Variants in TEAD2 observed in about 807,000 individuals in gnomAD.
TEAD2 encodes TEA domain transcription factor 2, also known as transcriptional enhancer factor TEF-4.
In TEAD2, 51 loss-of-function variants were observed where a neutral mutation model predicts 61.4. That is an observed-to-expected ratio of 0.83 (90% CI 0.66 to 1.05). TEAD2 has a LOEUF of 1.05. Ranked by LOEUF, TEAD2 falls within the 50% of genes least tolerant of loss-of-function variation. The pLI is 0.00. For synonymous variants in TEAD2, 244 were observed against 243.2 expected (o/e 1.00, Z -0.03); for missense variants, 509 against 600.0 (o/e 0.85, Z 1.58).
intron 9 of TEAD2, among the ~76,000 whole-genome samples, chr19:49,347,849 G>A (rs937472827): frequency 6.6e-6 from 1 of 152,216 alleles, no homozygotes; most frequent in African/African-American, 2.4e-5. Flanking sequence ...GAGGTCTTGT[G>A]GTTGATGTTT....
intron 8 of TEAD2, among the ~76,000 whole-genome samples, chr19:49,349,323 C>T (rs954345184): frequency 6.6e-6 from 1 of 152,018 alleles, no homozygotes; most frequent in Non-Finnish European, 1.5e-5. Context: ...ATTAGCTGGG[C>T]ATGGTGGCAC....
chr19:49,356,314 C>G (rs151286931), intron 4 of TEAD2: 2 of 161,978 alleles, frequency 1.2e-5, no homozygotes, highest in South Asian at 4.3e-4. Context: ...CACAGAAGGT[C>G]GAGAACAGAC....
At chr19:49,348,548 A>C (rs1971796103) in intron 9 of TEAD2, among the ~76,000 whole-genome samples, 155 bp downstream of exon 9, 2 of 152,220 alleles carry the variant, frequency 1.3e-5, no homozygotes, top group Non-Finnish European at 2.9e-5. Context: ...GCCCCACATC[A>C]CATCTAGCAA....
chr19:49,343,502 G>A (rs1328584271), intron 10 of TEAD2, 104 bp from the exon 11 acceptor site: 1 of 1,326,400 alleles, frequency 7.5e-7, no homozygotes, highest in Non-Finnish European at 1.0e-6. Context: ...TACTTTGGGA[G>A]GCCGAGGCGG....
chr19:49,345,821 G>A lies in TEAD2; in HGVS notation c.921+1369C>T, dbSNP rs553770323. Among the ~76,000 whole-genome samples, 174 of 152,194 alleles carry A rather than the reference G, an allele frequency of 1.1e-3. 1 individual carries two copies. The highest frequency in any genetic ancestry group is 2.2e-3 in the Non-Finnish European group (149 of 68,012). The stretch of plus-strand genomic sequence containing the variant: ...AGGTGGGTGGATCACTTGAGGTCAG[G>A]AGTTCGAGACCAGACTGGCCAACAT... On this transcript the variant is annotated intron_variant, in intron 10 of 12. Transcript: ENST00000593945.
intron 3 of TEAD2, chr19:49,357,789 T>C (rs1341559549): frequency 2.6e-5 from 5 of 192,510 alleles, no homozygotes; most frequent in Non-Finnish European, 4.4e-5. Flanking sequence ...GACTTCTCAC[T>C]CAGTTCACAC....
At position 49,342,350 on chromosome 19, in the gene TEAD2, G is replaced by C. The variant is rs1255117708; in HGVS notation, c.1242+88C>G. ...GAGTCCCTGCTGTGTCAGTTCCTGG[G>C]TGAGGAGATCCCCTAGACTGAGGGT... On this transcript the variant is annotated intron_variant, in intron 12 of 12. Coordinates refer to ENST00000593945, the MANE Select transcript of TEAD2 (RefSeq NM_001256660.2). 1.2e-5 allele frequency: 19 copies of C among 1,520,084 alleles called. No homozygotes were observed. The Admixed American group carries it at 2.4e-4, about 19-fold the overall frequency. 94.2% of individuals were successfully genotyped at this position (1,520,084 alleles called of 1,614,324 possible). A position where few individuals can be genotyped will look rare whatever the true frequency, so the allele number is the denominator to read the frequency against.
At chr19:49,343,197 G>A in intron 11 of TEAD2, 34 bp downstream of exon 11, 1 of 1,583,356 alleles carries the variant, frequency 6.3e-7, no homozygotes, top group Non-Finnish European at 8.6e-7. Context: ...GCACCCCCAA[G>A]TGCTGACCCA....
rs1442060809 is a variant in TEAD2 at position 49,341,975 on chromosome 19, T to C, written c.1242+463A>G. On this transcript the variant is annotated intron_variant, in intron 12 of 12. Coordinates refer to ENST00000593945, the MANE Select transcript of TEAD2 (RefSeq NM_001256660.2). The surrounding 1 kb of genome is among the most constrained non-coding windows in gnomAD (Gnocchi z 4.2). Reference sequence around the variant, plus strand: ...TGGGAGGCCTAGGCAGGTGGATCACTTGAGGTCGGAGATCAAGACCAACCT... The same window carrying C: ...TGGGAGGCCTAGGCAGGTGGATCACCTGAGGTCGGAGATCAAGACCAACCT... 6.6e-6 allele frequency among the ~76,000 whole-genome samples: 1 copy of C among 151,966 alleles called. No individual in the cohort carries two copies. Among genetic ancestry groups the C allele is most frequent in the African/African-American group, 2.4e-5 (1 of 41,370 alleles).
rs951069421 is a variant in TEAD2 at position 49,341,072 on chromosome 19, T to A, written c.*252A>T. The A allele has an allele frequency of 2.2e-6, 1 of 453,656 alleles. No individual in the cohort carries two copies. Among genetic ancestry groups the A allele is most frequent in the African/African-American group, 2.0e-5 (1 of 50,578 alleles). The allele number at this position is 453,656 out of a possible 1,614,324, so 28.1% of individuals were successfully genotyped here. ...CACAATCCCTGATACTCCGGAGTGA[T>A]CTGTCCTTTCAGACACCCACTGTGA... On this transcript the variant is annotated 3_prime_UTR_variant, in exon 13 of 13. Coordinates refer to ENST00000593945, the MANE Select transcript of TEAD2 (RefSeq NM_001256660.2). This position sits in a 1 kb window ranked among gnomAD's most constrained non-coding sequence, Gnocchi z 4.2.
Position 49,357,269 on chromosome 19 carries a change from T to G in TEAD2, c.343A>C (p.Ile115Leu). 1 of 1,608,958 alleles carries G rather than the reference T, an allele frequency of 6.2e-7. No individual in the cohort carries two copies. Residue 115 changes from isoleucine to leucine, a missense_variant, in exon 4 of 13, where the codon ATC (isoleucine) becomes CTC (leucine). Coordinates refer to ENST00000593945, the MANE Select transcript of TEAD2 (RefSeq NM_001256660.2). ...QVLARRKSRE[I>L]QSKLKALNVD... ...GTCCCTACCTTCAACTTGGACTGGA[T>G]TTCCCTTGATTTCCTTCGGGCCAAA...
intron 3 of TEAD2, chr19:49,357,641 C>A: frequency 7.1e-6 from 3 of 420,476 alleles, no homozygotes; most frequent in Non-Finnish European, 1.3e-5. Context: ...CATGCTGATA[C>A]AGTTCGGACA....
rs926961573 is a variant in TEAD2 at position 49,347,025 on chromosome 19, G to A, written c.921+165C>T. Among the ~76,000 whole-genome samples, 7 of 152,164 alleles carry A rather than the reference G, an allele frequency of 4.6e-5. No homozygotes were observed. The East Asian group carries it at 5.8e-4, about 13-fold the overall frequency. ...ACCCACCCTGGGGGCTGGCCTCCTC[G>A]GTGTTCCTTGTTGCAAAGGGGGCTG... is the stretch of plus-strand genomic sequence containing the variant. On this transcript the variant is annotated intron_variant, in intron 10 of 12. Coordinates refer to ENST00000593945, the MANE Select transcript of TEAD2 (RefSeq NM_001256660.2).
chr19:49,356,425 A>G (rs1972404850), intron 4 of TEAD2, among the ~76,000 whole-genome samples: 1 of 150,684 alleles, frequency 6.6e-6, no homozygotes, highest in African/African-American at 2.4e-5. Flanking sequence ...CCCCAAGTCC[A>G]GAAAAAGAGA....
intron 7 of TEAD2, among the ~76,000 whole-genome samples, chr19:49,353,705 C>T (rs1972171332): frequency 6.6e-6 from 1 of 151,672 alleles, no homozygotes; most frequent in Admixed American, 6.6e-5. Flanking sequence ...TGATGCTTCC[C>T]GTATCCCCAT....
At chr19:49,358,213 AAC>A (rs1972532878) in intron 3 of TEAD2, among the ~76,000 whole-genome samples, 1 of 151,998 alleles carries the variant, frequency 6.6e-6, no homozygotes, top group Non-Finnish European at 1.5e-5. Context: ...CAGCCTGGGC[AAC>A]AGAGCGAGAC....
At chr19:49,356,603 G>C (rs1972416614) in intron 4 of TEAD2, among the ~76,000 whole-genome samples, 1 of 152,006 alleles carries the variant, frequency 6.6e-6, no homozygotes, top group Non-Finnish European at 1.5e-5. Context: ...TCAGGAAATG[G>C]GAAAACAAAC....
intron 9 of TEAD2, among the ~76,000 whole-genome samples, chr19:49,347,919 TAC>T (rs1971753871): frequency 1.3e-5 from 2 of 152,236 alleles, no homozygotes; most frequent in Non-Finnish European, 2.9e-5. Flanking sequence ...CTGGTTCCTT[TAC>T]ACAGTGTGAA....
At chr19:49,361,808 A>AG (rs11421569) in intron 1 of TEAD2, 39,410 of 152,614 alleles carry the variant, frequency 0.26, 5,292 homozygotes, top group African/African-American at 0.31. Context: ...CAAAGACCCC[A>AG]GCCAAGCCCA....
Sources: allele counts gnomAD v4.1 joint callset (sites outside exome capture counted in the v4.1 genomes callset), GRCh38; gene constraint gnomAD v4.1.1; non-coding constraint Gnocchi (gnomAD v3.1); transcripts MANE v1.5; gene names NCBI Gene and HGNC (gene_info 2026-07-23, HGNC 2026-07-21).